MYRFL: variants seen among roughly 807,000 people sequenced by gnomAD.
MYRFL encodes the protein myelin regulatory factor like, also known as myelin regulatory factor-like protein.
A neutral mutation model predicts 109.4 loss-of-function variants in MYRFL; 88 were observed. That is an observed-to-expected ratio of 0.80 (90% CI 0.68 to 0.96). The LOEUF is 0.96. MYRFL is among the 40% of genes least tolerant of loss of function. MYRFL has a pLI of 0.00. For synonymous variants in MYRFL, 324 were observed against 320.9 expected (o/e 1.01, Z -0.10); for missense variants, 957 against 954.9 (o/e 1.00, Z -0.03).
rs953452312 is a variant in MYRFL at position 69,936,458 on chromosome 12, A to G, written c.2050A>G (p.Asn684Asp). 1 of 1,535,064 alleles carries G rather than the reference A, an allele frequency of 6.5e-7. No individual in the cohort carries two copies. The highest frequency in any genetic ancestry group is 1.4e-5 in the African/African-American group (1 of 72,952). ...LLPTASSSAPNTSLVTTPASL... is the reference protein window; with the variant it reads ...LLPTASSSAPDTSLVTTPASL... ...CCCTGCCCAATGCCTTGCAGCACCTAATACATCCCTGGTAACCACACCGGC... is the reference window on the plus strand; with the variant it reads ...CCCTGCCCAATGCCTTGCAGCACCTGATACATCCCTGGTAACCACACCGGC... Residue 684 changes from asparagine (N) to aspartate (D), a missense_variant, in exon 19 of 25, where the codon AAT (asparagine) becomes GAT (aspartate). By Grantham distance (23) the Asn-to-Asp change is conservative. Coordinates refer to ENST00000552032, the MANE Select transcript of MYRFL (RefSeq NM_182530.3).
In MYRFL at chr12:69,891,694, G is replaced by A. The variant is rs11177928; in HGVS notation, c.903+528G>A. On this transcript the variant is annotated intron_variant, in intron 7 of 24. Coordinates refer to ENST00000552032, the MANE Select transcript of MYRFL (RefSeq NM_182530.3). The stretch of plus-strand genomic sequence containing the variant: ...CTTTCTTTCTTTCTTTCGTTCGTTC[G>A]TTCTTTCTTTCTTTTTTTCTTTGAG... 6.6e-3 allele frequency among the ~76,000 whole-genome samples: 179 copies of A among 27,280 alleles called. 3 individuals are homozygous for A. Among genetic ancestry groups the A allele is most frequent in the African/African-American group, 0.015 (153 of 10,240 alleles). 17.9% of individuals were successfully genotyped at this position (27,280 alleles called of 152,430 possible).
intron 1 of MYRFL, among the ~76,000 whole-genome samples, chr12:69,830,746 T>C (rs1882582160): frequency 6.6e-6 from 1 of 152,110 alleles, no homozygotes; most frequent in Non-Finnish European, 1.5e-5. Context: ...GTGATTTAAT[T>C]AGAATTTGAA....
intron 13 of MYRFL, among the ~76,000 whole-genome samples, chr12:69,924,407 C>T (rs1015565044): frequency 1.3e-5 from 2 of 152,148 alleles, no homozygotes; most frequent in Non-Finnish European, 2.9e-5. Flanking sequence ...TCTTATACTA[C>T]AGACTTTGCT....
intron 22 of MYRFL, among the ~76,000 whole-genome samples, chr12:69,957,088 G>A (rs1002065681): frequency 1.6e-4 from 24 of 152,144 alleles, no homozygotes; most frequent in African/African-American, 5.8e-4. Flanking sequence ...TGTGCAAAAG[G>A]ATTGTTCCCA....
intron 19 of MYRFL, among the ~76,000 whole-genome samples, chr12:69,945,986 CAAAA>C (rs56988555): frequency 1.4e-4 from 6 of 42,336 alleles, no homozygotes; most frequent in African/African-American, 1.8e-4. Flanking sequence ...GACTCCGTCT[CAAAA>C]AAAAAAAAAA....
intron 20 of MYRFL, among the ~76,000 whole-genome samples, 180 bp downstream of exon 20, chr12:69,952,355 A>G (rs1467765562): frequency 6.6e-6 from 1 of 152,218 alleles, no homozygotes; most frequent in African/African-American, 2.4e-5. Context: ...GGCATTAGAA[A>G]TGGTCACTCA....
At chr12:69,927,801 CTT>C in intron 15 of MYRFL, 53 bp downstream of exon 15, 1 of 1,454,172 alleles carries the variant, frequency 6.9e-7, no homozygotes, top group Non-Finnish European at 9.2e-7. Flanking sequence ...CTTAAAAAGT[CTT>C]TAGAGAAATC....
chr12:69,869,026 A>T (rs561795896), intron 2 of MYRFL, among the ~76,000 whole-genome samples: 3 of 152,368 alleles, frequency 2.0e-5, no homozygotes, highest in Non-Finnish European at 4.4e-5. Flanking sequence ...TCACACACAG[A>T]GTAGGAAGAC....
intron 12 of MYRFL, among the ~76,000 whole-genome samples, 190 bp from the exon 13 acceptor site, chr12:69,910,631 C>T (rs1954533606): frequency 1.2e-5 from 1 of 82,260 alleles, no homozygotes; most frequent in Non-Finnish European, 2.4e-5. Flanking sequence ...GGCCCAGAGT[C>T]TCAAAAAAAA....
At chr12:69,951,996 G>A (rs1955989381) in intron 19 of MYRFL, 117 bp from the exon 20 acceptor site, 5 of 759,542 alleles carry the variant, frequency 6.6e-6, no homozygotes, top group Admixed American at 2.3e-5. Flanking sequence ...GTTGAAGGAT[G>A]GGAGACAGAA....
chr12:69,944,982 T>A (rs1180812696), intron 19 of MYRFL, among the ~76,000 whole-genome samples: 1 of 142,094 alleles, frequency 7.0e-6, no homozygotes, highest in Non-Finnish European at 1.5e-5. Flanking sequence ...TTAATACAAA[T>A]TTTTTTAACG....
intron 13 of MYRFL, among the ~76,000 whole-genome samples, chr12:69,919,868 C>G (rs1030569535): frequency 6.6e-6 from 1 of 152,148 alleles, no homozygotes; most frequent in Admixed American, 6.5e-5. Flanking sequence ...CTGCAATGCT[C>G]TCTTATGAGG....
intron 15 of MYRFL, among the ~76,000 whole-genome samples, chr12:69,927,994 G>T (rs1167298336): frequency 6.6e-6 from 1 of 152,140 alleles, no homozygotes; most frequent in Non-Finnish European, 1.5e-5. Flanking sequence ...TTTTGTTTAT[G>T]TTGTCCCCTT....
chr12:69,953,172 G>C (rs948066470), intron 21 of MYRFL, among the ~76,000 whole-genome samples: 1 of 152,138 alleles, frequency 6.6e-6, no homozygotes, highest in African/African-American at 2.4e-5. Flanking sequence ...CTCTCTGAGG[G>C]CACATATCAA....
Position 69,903,767 on chromosome 12 carries a change from G to T in MYRFL, c.1306G>T (p.Val436Phe). ...INTDAPDEAL[V>F]VCGNMKVMGT... is the part of the protein sequence containing the mutation. ...CACAGATGCGCCGGACGAAGCCCTGGTTGTCTGTGGCAACATGAAAGTGAT... is the reference window on the plus strand; with the variant it reads ...CACAGATGCGCCGGACGAAGCCCTGTTTGTCTGTGGCAACATGAAAGTGAT... Residue 436 changes from valine (V) to phenylalanine (F), a missense_variant, in exon 11 of 25, where the codon GTT becomes TTT. Transcript: ENST00000552032. 6.5e-7 allele frequency: 1 copy of T among 1,535,776 alleles called. No individual in the cohort carries two copies. Among genetic ancestry groups the T allele is most frequent in the Non-Finnish European group, 8.7e-7 (1 of 1,146,660 alleles).
chr12:69,918,221 A>T (rs1468079547), intron 13 of MYRFL, among the ~76,000 whole-genome samples: 3 of 152,214 alleles, frequency 2.0e-5, no homozygotes, highest in Non-Finnish European at 4.4e-5. Flanking sequence ...ATGAGGCTTC[A>T]TGTGCCCTCG....
At chr12:69,924,227 A>T (rs1955000014) in intron 13 of MYRFL, among the ~76,000 whole-genome samples, 2 of 151,326 alleles carry the variant, frequency 1.3e-5, no homozygotes, top group South Asian at 4.2e-4. Context: ...TAAAATACCC[A>T]CATATTCTAA....
chr12:69,891,637 T>TTTCTTTCTTTCTTTCTTTCTTTCTCTC (rs1566002318), intron 7 of MYRFL, among the ~76,000 whole-genome samples: 1 of 53,788 alleles, frequency 1.9e-5, no homozygotes, highest in African/African-American at 5.7e-5. Context: ...CTTCCTTTCT[T>TTTCTTTCTTTCTTTCTTTCTTTCTCTC]TTTCTTTCTT....
intron 1 of MYRFL, among the ~76,000 whole-genome samples, chr12:69,852,579 A>ATTTTTTTTTTTTTTTTTTTTAT (rs1883942263): frequency 8.9e-6 from 1 of 112,214 alleles, no homozygotes; most frequent in Non-Finnish European, 1.8e-5. Context: ...TTAATTTTTA[A>ATTTTTTTTTTTTTTTTTTTTAT]TTTTTTTTTT....
Sources: allele counts gnomAD v4.1 joint callset (sites outside exome capture counted in the v4.1 genomes callset), GRCh38; gene constraint gnomAD v4.1.1; transcripts MANE v1.5; gene names NCBI Gene and HGNC (gene_info 2026-07-23, HGNC 2026-07-21).